The following SGCD variants were observed in gnomAD, a reference collection of about 807,000 sequenced individuals.
SGCD encodes sarcoglycan delta, also known as delta-sarcoglycan.
Under a neutral mutation model 36.6 loss-of-function variants are expected in SGCD, and 18 were observed. The observed-to-expected ratio is 0.49, with a 90% CI of 0.34 to 0.73. The LOEUF (loss-of-function observed/expected upper bound fraction) is 0.73, where lower values mean the gene tolerates loss of function less well. SGCD is among the 30% of genes least tolerant of loss of function. The pLI is 0.01. For synonymous variants in SGCD, 133 were observed against 130.6 expected (o/e 1.02, Z -0.12); for missense variants, 387 against 346.7 (o/e 1.12, Z -0.92).
chr5:156,656,652 A>C (rs981384253), intron 7 of SGCD, among the ~76,000 whole-genome samples: 1 of 152,202 alleles, frequency 6.6e-6, no homozygotes, highest in Non-Finnish European at 1.5e-5. Context: ...AATTTCAGAT[A>C]TGGTTGCAGG....
At chr5:156,341,921 A>T in intron 2 of SGCD, among the ~76,000 whole-genome samples, 1 of 152,184 alleles carries the variant, frequency 6.6e-6, no homozygotes, top group Non-Finnish European at 1.5e-5. Flanking sequence ...CATGTTGGCC[A>T]GGCTGGTCTG....
chr5:156,632,324 A>C (rs1762669198), intron 6 of SGCD, among the ~76,000 whole-genome samples: 1 of 150,594 alleles, frequency 6.6e-6, no homozygotes, highest in African/African-American at 2.4e-5. Context: ...CACCAGCCCC[A>C]GTAGGTTTCT....
chr5:156,168,935 T>C (rs976318773), intron 3 of SGCD, among the ~76,000 whole-genome samples: 1 of 152,178 alleles, frequency 6.6e-6, no homozygotes, highest in African/African-American at 2.4e-5. Flanking sequence ...ACTCTCTGCA[T>C]GTGATGGGAT....
chr5:155,865,437 G>A (rs1017721325), upstream of SGCD, among the ~76,000 whole-genome samples: 1 of 152,130 alleles, frequency 6.6e-6, no homozygotes, highest in Non-Finnish European at 1.5e-5. Flanking sequence ...ATATAGGTAT[G>A]TAGTGGAAAG....
chr5:156,308,944 C>T (rs1447558522), intron 3 of SGCD, among the ~76,000 whole-genome samples: 4 of 152,040 alleles, frequency 2.6e-5, no homozygotes. Context: ...ACTTAGGTAA[C>T]AGTATTTTTT....
intron 3 of SGCD, among the ~76,000 whole-genome samples, chr5:156,260,210 T>C (rs1483680667): frequency 1.3e-5 from 2 of 152,176 alleles, no homozygotes; most frequent in African/African-American, 4.8e-5. Flanking sequence ...TATACCTTTC[T>C]TTAAAAAGAC....
At chr5:156,154,214 C>T (rs1206299122) in intron 3 of SGCD, among the ~76,000 whole-genome samples, 1 of 151,568 alleles carries the variant, frequency 6.6e-6, no homozygotes, top group East Asian at 1.9e-4. Flanking sequence ...CTGTCTTCCA[C>T]CTCCACTTTC....
At chr5:156,685,205 A>T (rs1753861185) in intron 7 of SGCD, among the ~76,000 whole-genome samples, 1 of 152,084 alleles carries the variant, frequency 6.6e-6, no homozygotes, top group Admixed American at 6.6e-5. Context: ...TCCAGGGGAG[A>T]TGCGTCGCAG....
chr5:155,861,098 G>A, the SGCD span, among the ~76,000 whole-genome samples: 3 of 152,234 alleles, frequency 2.0e-5, no homozygotes, highest in East Asian at 5.8e-4. Context: ...TTTATCACTT[G>A]TTCAACAAAT....
intron 3 of SGCD, among the ~76,000 whole-genome samples, chr5:156,347,371 A>G (rs1211695853): frequency 6.6e-6 from 1 of 152,202 alleles, no homozygotes; most frequent in Non-Finnish European, 1.5e-5. Context: ...CTCTGTTGCA[A>G]TATTAAACAG....
the SGCD span, among the ~76,000 whole-genome samples, chr5:155,762,885 A>G: frequency 6.6e-6 from 1 of 152,164 alleles, no homozygotes; most frequent in Admixed American, 6.5e-5. Context: ...AATCAGGAGT[A>G]CCCTGGGTAG....
chr5:156,297,014 G>A (rs1225452313), intron 3 of SGCD, among the ~76,000 whole-genome samples: 1 of 148,348 alleles, frequency 6.7e-6, no homozygotes, highest in Non-Finnish European at 1.5e-5. Flanking sequence ...TTAATTTTAT[G>A]TGTGTATAGC....
intron 3 of SGCD, among the ~76,000 whole-genome samples, chr5:156,369,995 T>C (rs1770297772): frequency 6.6e-6 from 1 of 152,228 alleles, no homozygotes; most frequent in South Asian, 2.1e-4. Flanking sequence ...TTACAGGTTG[T>C]CTAACTTGGT....
At chr5:156,688,438 T>A (rs552649202) in intron 7 of SGCD, among the ~76,000 whole-genome samples, 49 of 152,320 alleles carry the variant, frequency 3.2e-4, no homozygotes, top group African/African-American at 1.1e-3. Flanking sequence ...CCACCTGCCC[T>A]CTTACTTAAG....
chr5:155,872,887 AAAAC>A (rs1341060787), intron 1 of SGCD, among the ~76,000 whole-genome samples: 1 of 152,208 alleles, frequency 6.6e-6, no homozygotes, highest in African/African-American at 2.4e-5. Flanking sequence ...TTATAATCAG[AAAAC>A]AAACCTATAG....
intron 1 of SGCD, among the ~76,000 whole-genome samples, chr5:155,891,558 C>CTTTTTTTTTTTTTTTTCT (rs1756130438): frequency 1.6e-5 from 1 of 60,778 alleles, no homozygotes; most frequent in Non-Finnish European, 2.8e-5. Flanking sequence ...AATAAATACT[C>CTTTTTTTTTTTTTTTTCT]TTTTTTTTTT....
chr5:156,430,687 C>T (rs78269284), intron 3 of SGCD, among the ~76,000 whole-genome samples: 10,364 of 151,904 alleles, frequency 0.068, 1,149 homozygotes, highest in African/African-American at 0.23. Flanking sequence ...TTCCTCTCAA[C>T]GATTGGACTT....
the SGCD span, among the ~76,000 whole-genome samples, chr5:155,790,597 C>A: frequency 6.6e-6 from 1 of 152,026 alleles, no homozygotes; most frequent in Non-Finnish European, 1.5e-5. Context: ...TAAAAAGAAA[C>A]TCCAAACCCT....
At chr5:156,067,972 T>A (rs1351891484) in intron 1 of SGCD, among the ~76,000 whole-genome samples, 1 of 144,340 alleles carries the variant, frequency 6.9e-6, no homozygotes, top group East Asian at 2.0e-4. Flanking sequence ...CCCCCCCACT[T>A]TTTTTTTTTT....
Sources: gnomAD v4.1 joint callset for allele counts (sites outside exome capture counted in the v4.1 genomes callset) on GRCh38, gnomAD v4.1.1 for gene constraint, MANE v1.5 for transcripts, NCBI Gene and HGNC (gene_info 2026-07-23, HGNC 2026-07-21) for gene names.